Variants in IGSF21 observed in about 807,000 individuals in gnomAD.
IGSF21 encodes the protein immunoglobin superfamily member 21, also known as immunoglobulin superfamily member 21.
IGSF21 carries 28 observed loss-of-function variants against 46.8 expected under a neutral mutation model. The observed-to-expected ratio is 0.60, with a 90% confidence interval of 0.44 to 0.82. The LOEUF is 0.82. Among genes scored for constraint, IGSF21 ranks in the 40% least tolerant of loss-of-function variants. The probability of loss-of-function intolerance (pLI) is 0.00; values close to 1 mark genes in which losing one functional copy is unlikely to be tolerated. For synonymous variants in IGSF21, 284 were observed against 273.6 expected, an observed-to-expected ratio of 1.04 and a Z score of -0.38; for missense variants, 624 against 665.5, an observed-to-expected ratio of 0.94 and a Z score of 0.69.
Position 18,365,549 on chromosome 1 carries a change from C to T in IGSF21, c.867C>T (p.His289=). ...CCGAGCCCACCTACTTCCTGCGCCA[C>T]AGCCGCACCCCGAGCAGTGACGGCA... ...HSAEPTYFLR[H]SRTPSSDGTV... The change falls in exon 6 of 10, where the codon CAC becomes CAT. Residue 289 remains histidine (H), a synonymous_variant. Transcript: ENST00000251296. This position sits in a 1 kb window ranked among gnomAD's most constrained non-coding sequence, Gnocchi z 4.8. 6.2e-7 allele frequency: 1 copy of T among 1,614,180 alleles called. No individual in the cohort carries two copies. The highest frequency in any genetic ancestry group is 2.2e-5 in the East Asian group (1 of 44,864).
chr1:18,310,511 G>A lies in IGSF21; in HGVS notation c.305+18524G>A, dbSNP rs2085479408. Among the ~76,000 whole-genome samples, 3 of 152,202 alleles carry A rather than the reference G, an allele frequency of 2.0e-5. No individual in the cohort carries two copies. The South Asian group carries it at 6.2e-4, about 32-fold the overall frequency. On this transcript the variant is annotated intron_variant, in intron 3 of 9. Coordinates refer to ENST00000251296, the MANE Select transcript of IGSF21 (RefSeq NM_032880.5). ...CCTATTCTCCTGTGGAGTGGCATTG[G>A]AGCTGTTGCTTCCAGTTTTTGAGCC...
chr1:18,272,894 T>G (rs965815149), intron 2 of IGSF21, among the ~76,000 whole-genome samples: 2 of 152,056 alleles, frequency 1.3e-5, no homozygotes, highest in Non-Finnish European at 2.9e-5. Context: ...GAGGAGACAA[T>G]AAAACCACAA....
At chr1:18,183,625 A>T (rs1051888839) in intron 1 of IGSF21, among the ~76,000 whole-genome samples, 4 of 152,160 alleles carry the variant, frequency 2.6e-5, no homozygotes, top group Admixed American at 1.3e-4. Flanking sequence ...CTTAAATATA[A>T]CCATTTATTC....
chr1:18,119,128 C>A (rs1031400134), intron 1 of IGSF21, among the ~76,000 whole-genome samples: 4 of 152,106 alleles, frequency 2.6e-5, no homozygotes, highest in African/African-American at 9.7e-5. Context: ...TTCCTTCCTC[C>A]CTTCCTCCCT....
chr1:18,276,963 T>C (rs2085108272), intron 2 of IGSF21, among the ~76,000 whole-genome samples: 2 of 152,130 alleles, frequency 1.3e-5, no homozygotes, highest in Non-Finnish European at 2.9e-5. Flanking sequence ...CCAGCCCAAT[T>C]TCTGGAAATA....
At chr1:18,231,922 CGTGTGTGTGTGT>C (rs150869622) in intron 2 of IGSF21, among the ~76,000 whole-genome samples, 4 of 136,438 alleles carry the variant, frequency 2.9e-5, no homozygotes, top group Non-Finnish European at 6.3e-5. Flanking sequence ...ATCATTAGAT[CGTGTGTGTGTGT>C]GTGTGTGTGT....
chr1:18,308,948 G>A (rs937656017), intron 3 of IGSF21, among the ~76,000 whole-genome samples: 3 of 152,160 alleles, frequency 2.0e-5, no homozygotes, highest in Non-Finnish European at 4.4e-5. Flanking sequence ...TGGAGCTGCT[G>A]GGAAGTGGGA....
intron 4 of IGSF21, among the ~76,000 whole-genome samples, chr1:18,358,878 C>T (rs1340737510): frequency 6.6e-6 from 1 of 152,210 alleles, no homozygotes; most frequent in African/African-American, 2.4e-5. Context: ...TTGTCCTGTA[C>T]TACCTCCCTT....
At chr1:18,215,557 A>G (rs2084435733) in intron 1 of IGSF21, among the ~76,000 whole-genome samples, 1 of 152,206 alleles carries the variant, frequency 6.6e-6, no homozygotes, top group Non-Finnish European at 1.5e-5. Flanking sequence ...CCTGAAGGAC[A>G]TAGCGAAGTG....
At chr1:18,305,469 AGATGGATGGATGGATGGATGATG>A (rs1490361814) in intron 3 of IGSF21, among the ~76,000 whole-genome samples, 1 of 131,010 alleles carries the variant, frequency 7.6e-6, no homozygotes, top group South Asian at 2.8e-4. Context: ...CATGGATGAC[AGATGGATGGATGGATGGATGATG>A]GATGGATGGA....
chr1:18,236,760 A>C (rs986943443), intron 2 of IGSF21, among the ~76,000 whole-genome samples: 1 of 152,222 alleles, frequency 6.6e-6, no homozygotes, highest in Admixed American at 6.5e-5. Flanking sequence ...CCAAGAAAAG[A>C]AAGTGGTTTC....
intron 3 of IGSF21, among the ~76,000 whole-genome samples, chr1:18,314,436 A>T (rs1388034493): frequency 6.6e-6 from 1 of 152,206 alleles, no homozygotes; most frequent in Non-Finnish European, 1.5e-5. Flanking sequence ...ATAGATAAAG[A>T]TGATTCATGC....
At chr1:18,122,684 G>A (rs1399365757) in intron 1 of IGSF21, among the ~76,000 whole-genome samples, 7 of 148,084 alleles carry the variant, frequency 4.7e-5, no homozygotes, top group African/African-American at 7.5e-5. Flanking sequence ...GCAGTGGCAC[G>A]GTCTCGGCTC....
At chr1:18,299,633 A>G (rs2085342555) in intron 3 of IGSF21, among the ~76,000 whole-genome samples, 1 of 152,232 alleles carries the variant, frequency 6.6e-6, no homozygotes, top group East Asian at 1.9e-4. Flanking sequence ...AACAACAAAC[A>G]CAGGCCCTGC....
intron 3 of IGSF21, among the ~76,000 whole-genome samples, chr1:18,313,144 C>T (rs540322188): frequency 6.6e-6 from 1 of 152,248 alleles, no homozygotes; most frequent in East Asian, 1.9e-4. Flanking sequence ...AGGACAGGGC[C>T]CCAGCAGAGG....
intron 6 of IGSF21, among the ~76,000 whole-genome samples, chr1:18,366,398 G>A (rs1369805543): frequency 6.6e-6 from 1 of 152,102 alleles, no homozygotes; most frequent in Non-Finnish European, 1.5e-5. Flanking sequence ...CAAGAGATCA[G>A]GGGACATTTG....
chr1:18,209,529 A>ACT (rs2084367733), intron 1 of IGSF21, among the ~76,000 whole-genome samples: 2 of 150,436 alleles, frequency 1.3e-5, no homozygotes, highest in Non-Finnish European at 3.0e-5. Flanking sequence ...ACCTTGGCTC[A>ACT]CTGCAACCTC....
chr1:18,183,212 G>A (rs576724613), intron 1 of IGSF21, among the ~76,000 whole-genome samples: 1 of 152,314 alleles, frequency 6.6e-6, no homozygotes, highest in Non-Finnish European at 1.5e-5. Context: ...CTGCTGGCTG[G>A]CTGAAGAATG....
At chr1:18,370,419 G>A (rs2086213366) in intron 6 of IGSF21, among the ~76,000 whole-genome samples, 1 of 152,108 alleles carries the variant, frequency 6.6e-6, no homozygotes, top group African/African-American at 2.4e-5. Context: ...AATTAAACCT[G>A]GACCCCTGCC....
Sources: gnomAD v4.1 joint callset for allele counts (sites outside exome capture counted in the v4.1 genomes callset) on GRCh38, gnomAD v4.1.1 for gene constraint, Gnocchi (gnomAD v3.1) non-coding constraint, MANE v1.5 for transcripts, NCBI Gene and HGNC (gene_info 2026-07-23, HGNC 2026-07-21) for gene names.